Variants in ADAMTSL3 observed in about 807,000 individuals in gnomAD.
ADAMTSL3 encodes ADAMTS-like protein 3.
A neutral mutation model predicts 201.7 loss-of-function variants in ADAMTSL3; 128 were observed. The observed-to-expected ratio is 0.63, with a 90% CI of 0.55 to 0.73. The LOEUF is 0.73. Ranked by LOEUF, ADAMTSL3 falls within the 30% of genes least tolerant of loss-of-function variation. The probability of loss-of-function intolerance (pLI) is 0.00; values close to 1 mark genes in which losing one functional copy is unlikely to be tolerated. For missense variants in ADAMTSL3, 1,990 were observed against 2,119.6 expected (o/e 0.94, Z 1.20); for synonymous variants, 738 against 748.4 (o/e 0.99, Z 0.23).
chr15:83,996,780 C>CAAAAAA (rs35758954), intron 23 of ADAMTSL3, among the ~76,000 whole-genome samples: 1 of 33,838 alleles, frequency 3.0e-5, no homozygotes, highest in African/African-American at 1.3e-4. Flanking sequence ...GACTCTGCCT[C>CAAAAAA]AAAAAAAAAA....
At chr15:83,773,838 G>A (rs901213256) in intron 4 of ADAMTSL3, among the ~76,000 whole-genome samples, 188 bp downstream of exon 4, 1 of 152,138 alleles carries the variant, frequency 6.6e-6, no homozygotes, top group African/African-American at 2.4e-5. Flanking sequence ...CGTGGGTGTG[G>A]CCATGTTGCG....
At chr15:84,002,463 T>C (rs767402324) in intron 23 of ADAMTSL3, among the ~76,000 whole-genome samples, 5 of 152,184 alleles carry the variant, frequency 3.3e-5, no homozygotes, top group Non-Finnish European at 5.9e-5. Flanking sequence ...CATGTTAATG[T>C]TTAACCTATC....
chr15:83,955,309 C>T (rs532776492), intron 19 of ADAMTSL3, among the ~76,000 whole-genome samples: 4 of 152,278 alleles, frequency 2.6e-5, no homozygotes, highest in South Asian at 4.2e-4. Context: ...ATCAGCAGTC[C>T]GTAGAGAGTT....
chr15:83,804,522 G>C (rs940347135), intron 4 of ADAMTSL3, 128 bp from the exon 5 acceptor site: 1 of 617,358 alleles, frequency 1.6e-6, no homozygotes, highest in Non-Finnish European at 2.8e-6. Context: ...TGAATCTTTG[G>C]GGTAATGTGC....
At chr15:83,810,978 A>G (rs939005617) in intron 5 of ADAMTSL3, among the ~76,000 whole-genome samples, 1 of 152,094 alleles carries the variant, frequency 6.6e-6, no homozygotes, top group African/African-American at 2.4e-5. Flanking sequence ...ACCTCAAGTG[A>G]TCCGCCCACT....
intron 16 of ADAMTSL3, among the ~76,000 whole-genome samples, chr15:83,917,639 ATT>A (rs1209600769): frequency 6.6e-6 from 1 of 151,988 alleles, no homozygotes; most frequent in Non-Finnish European, 1.5e-5. Context: ...TATATTTTAT[ATT>A]GTTTGTTGTT....
intron 22 of ADAMTSL3, among the ~76,000 whole-genome samples, chr15:83,989,171 C>A (rs1295599175): frequency 6.6e-6 from 1 of 152,182 alleles, no homozygotes; most frequent in Admixed American, 6.5e-5. Flanking sequence ...CGTGAGCCAC[C>A]GCGCCTGGCT....
chr15:83,993,066 C>A (rs2067612408), intron 23 of ADAMTSL3, among the ~76,000 whole-genome samples: 1 of 152,206 alleles, frequency 6.6e-6, no homozygotes, highest in Non-Finnish European at 1.5e-5. Flanking sequence ...CCAAATGCAC[C>A]ACAATCATTT....
chr15:83,658,907 C>G (rs117507587), intron 2 of ADAMTSL3, among the ~76,000 whole-genome samples: 2 of 152,268 alleles, frequency 1.3e-5, no homozygotes, highest in Non-Finnish European at 2.9e-5. Flanking sequence ...ACAGCCTTAT[C>G]TGTTCACTAA....
At chr15:83,742,304 T>G (rs191584977) in intron 3 of ADAMTSL3, among the ~76,000 whole-genome samples, 1 of 152,240 alleles carries the variant, frequency 6.6e-6, no homozygotes, top group Admixed American at 6.5e-5. Flanking sequence ...ATGAAAAATT[T>G]TCAAACAGCC....
At chr15:83,896,255 G>C (rs1206846018) in intron 13 of ADAMTSL3, among the ~76,000 whole-genome samples, 2 of 152,168 alleles carry the variant, frequency 1.3e-5, no homozygotes, top group African/African-American at 4.8e-5. Context: ...CCCATAGCAG[G>C]TAACCAAAGG....
At chr15:84,030,848 G>A (rs1242573057) in intron 27 of ADAMTSL3, among the ~76,000 whole-genome samples, 1 of 152,184 alleles carries the variant, frequency 6.6e-6, no homozygotes, top group Non-Finnish European at 1.5e-5. Context: ...CATGGCGACA[G>A]TTTCCCTCAT....
chr15:83,884,338 C>CCTTTTT lies in ADAMTSL3; in HGVS notation c.961-763_961-762insCTTTTT, dbSNP rs1305026027. The stretch of plus-strand genomic sequence containing the variant: ...TGTTACCTCATTGGTGCCCTATTTC[C>CCTTTTT]TTTTTTTTTTTTTTTTTTTTTTGAG... On this transcript the variant is annotated intron_variant, in intron 9 of 29. Coordinates refer to ENST00000286744, the MANE Select transcript of ADAMTSL3 (RefSeq NM_207517.3). Among the ~76,000 whole-genome samples, 10 of 114,464 alleles carry CCTTTTT rather than the reference C, an allele frequency of 8.7e-5. 4 individuals are homozygous for CCTTTTT. The highest frequency in any genetic ancestry group is 7.0e-5 in the Non-Finnish European group (4 of 57,344). The allele number at this position is 114,464 out of a possible 152,430, so 75.1% of individuals were successfully genotyped here. A position where few individuals can be genotyped will look rare whatever the true frequency, so the allele number is the denominator to read the frequency against.
intron 15 of ADAMTSL3, among the ~76,000 whole-genome samples, chr15:83,903,970 A>AGGAGGGAGGGAGGGAGGG (rs1567226231): frequency 8.6e-6 from 1 of 116,604 alleles, no homozygotes; most frequent in African/African-American, 3.5e-5. Context: ...GAAAGAAAGA[A>AGGAGGGAGGGAGGGAGGG]AAGGAGCTAC....
intron 3 of ADAMTSL3, among the ~76,000 whole-genome samples, chr15:83,708,673 C>G (rs2061888787): frequency 6.6e-6 from 1 of 152,148 alleles, no homozygotes. Flanking sequence ...TTTTAAAAAA[C>G]AAAGTGACTG....
At chr15:83,785,793 C>G in intron 4 of ADAMTSL3, among the ~76,000 whole-genome samples, 1 of 148,510 alleles carries the variant, frequency 6.7e-6, no homozygotes, top group East Asian at 2.0e-4. Context: ...TTACTTTCCT[C>G]TTTTTTTTTT....
chr15:84,023,994 G>A (rs2068253460), intron 26 of ADAMTSL3, among the ~76,000 whole-genome samples: 1 of 152,160 alleles, frequency 6.6e-6, no homozygotes. Context: ...AGTGGCTCAC[G>A]CCTGTAATCT....
chr15:83,753,939 A>G (rs1041036605), intron 3 of ADAMTSL3, among the ~76,000 whole-genome samples: 16 of 152,184 alleles, frequency 1.1e-4, no homozygotes, highest in Non-Finnish European at 1.5e-4. Flanking sequence ...TTTTAATAAC[A>G]TGTGGTTGTC....
At chr15:83,784,979 C>T (rs1334071450) in intron 4 of ADAMTSL3, among the ~76,000 whole-genome samples, 2 of 152,058 alleles carry the variant, frequency 1.3e-5, no homozygotes, top group Non-Finnish European at 2.9e-5. Flanking sequence ...TGTGTGTGTG[C>T]ACACAAGCAG....
Sources: allele counts gnomAD v4.1 joint callset (sites outside exome capture counted in the v4.1 genomes callset), GRCh38; gene constraint gnomAD v4.1.1; transcripts MANE v1.5; gene names NCBI Gene and HGNC (gene_info 2026-07-23, HGNC 2026-07-21).